Variants in CSMD1 observed in about 807,000 individuals in gnomAD.
The protein encoded by CSMD1 is CUB and sushi domain-containing protein 1.
In CSMD1, 213 loss-of-function variants were observed where a neutral mutation model predicts 417.5. That is an observed-to-expected ratio of 0.51 (90% CI 0.46 to 0.57). CSMD1 has a LOEUF of 0.57. Ranked by LOEUF, CSMD1 falls within the 20% of genes least tolerant of loss-of-function variation. The pLI, the probability that CSMD1 is intolerant of heterozygous loss-of-function variation, is 0.00. For synonymous variants in CSMD1, 2,862 were observed against 1,736.8 expected (o/e 1.65, Z -16.11); for missense variants, 6,923 against 4,529.7 (o/e 1.53, Z -15.17).
chr8:4,079,467 A>C (rs537190131), intron 3 of CSMD1, among the ~76,000 whole-genome samples: 33 of 152,366 alleles, frequency 2.2e-4, no homozygotes, highest in Non-Finnish European at 2.5e-4. Context: ...TCTGAGTTCT[A>C]TCATCATAAA....
intron 26 of CSMD1, among the ~76,000 whole-genome samples, chr8:3,262,616 C>T (rs1308530468): frequency 1.3e-5 from 2 of 151,656 alleles, no homozygotes; most frequent in African/African-American, 2.4e-5. Flanking sequence ...AGATTATAGT[C>T]AGTGGAAGCA....
chr8:4,188,904 G>T (rs944417836), intron 3 of CSMD1, among the ~76,000 whole-genome samples: 6 of 152,136 alleles, frequency 3.9e-5, no homozygotes, highest in African/African-American at 1.4e-4. Context: ...AACACACGGG[G>T]TTGGCATAGC....
intron 7 of CSMD1, among the ~76,000 whole-genome samples, chr8:3,666,040 T>C (rs1798676626): frequency 6.6e-6 from 1 of 152,064 alleles, no homozygotes; most frequent in African/African-American, 2.4e-5. Flanking sequence ...GGATTACAGG[T>C]GCCCAACACC....
intron 3 of CSMD1, among the ~76,000 whole-genome samples, chr8:4,246,472 C>G (rs563547610): frequency 2.6e-5 from 4 of 152,220 alleles, no homozygotes; most frequent in East Asian, 1.9e-4. Flanking sequence ...ATCAATTGGT[C>G]TTGTTACAGA....
At chr8:3,313,239 C>G (rs1382771244) in intron 23 of CSMD1, among the ~76,000 whole-genome samples, 1 of 152,146 alleles carries the variant, frequency 6.6e-6, no homozygotes, top group Non-Finnish European at 1.5e-5. Flanking sequence ...ACACCAAAAG[C>G]AATGGCAACA....
intron 1 of CSMD1, among the ~76,000 whole-genome samples, chr8:4,681,312 G>A (rs180932990): frequency 7.9e-5 from 12 of 152,210 alleles, no homozygotes; most frequent in East Asian, 1.9e-4. Context: ...TTGAAAAGAG[G>A]TAGTACAATA....
chr8:3,598,369 G>C (rs1236857574), intron 8 of CSMD1: 1 of 152,154 alleles, frequency 6.6e-6, no homozygotes, highest in Non-Finnish European at 1.5e-5. Context: ...TTGTCATTTA[G>C]ATCCAGCCCT....
intron 3 of CSMD1, among the ~76,000 whole-genome samples, chr8:4,398,436 C>A (rs1291774277): frequency 6.8e-6 from 1 of 147,748 alleles, no homozygotes; most frequent in Non-Finnish European, 1.5e-5. Flanking sequence ...TCTGTCACCC[C>A]AGGCTGGAGC....
chr8:4,295,669 CATATGTTATATTATACATGTTAT>C (rs1797635447), intron 3 of CSMD1, among the ~76,000 whole-genome samples: 1 of 136,538 alleles, frequency 7.3e-6, no homozygotes, highest in Non-Finnish European at 1.5e-5. Flanking sequence ...CTTAAGATTA[CATATGTTATATTATACATGTTAT>C]ATATGTTATA....
At chr8:3,537,583 C>T (rs1178550503) in intron 10 of CSMD1, among the ~76,000 whole-genome samples, 1 of 152,086 alleles carries the variant, frequency 6.6e-6, no homozygotes, top group Non-Finnish European at 1.5e-5. Flanking sequence ...TTAGATAGCT[C>T]TATTATTCTG....
chr8:4,716,999 G>C (rs1016590614), intron 1 of CSMD1, among the ~76,000 whole-genome samples: 4 of 152,052 alleles, frequency 2.6e-5, no homozygotes, highest in Non-Finnish European at 5.9e-5. Context: ...TGGTATAGAA[G>C]CCTGGGTTGA....
At chr8:3,382,761 A>T (rs1499690) in intron 18 of CSMD1, among the ~76,000 whole-genome samples, 26,149 of 151,418 alleles carry the variant, frequency 0.17, 2,921 homozygotes, top group Non-Finnish European at 0.23. Context: ...TGTGTATATT[A>T]CATGGAGAAT....
At chr8:4,664,558 C>T (rs1183740021) in intron 1 of CSMD1, among the ~76,000 whole-genome samples, 2 of 152,018 alleles carry the variant, frequency 1.3e-5, no homozygotes, top group Admixed American at 6.6e-5. Flanking sequence ...AAGAGCGTGT[C>T]TTGAAAATAA....
rs190468356 is a variant in CSMD1, at chr8:4,918,254, C to A, written c.85+76078G>T. On this transcript the variant is annotated intron_variant, in intron 1 of 69. Coordinates refer to ENST00000635120, the MANE Select transcript of CSMD1 (RefSeq NM_033225.6). ...CATCACTCAAGGCCCCCTCCATGTG[C>A]GAAGCATGTGAGCTTTCTGGGACAG... Among the ~76,000 whole-genome samples, 3 of 152,270 alleles carry A rather than the reference C, an allele frequency of 2.0e-5. No individual in the cohort carries two copies. The East Asian group carries it at 5.8e-4, about 29-fold the overall frequency.
chr8:4,272,542 G>A (rs993727957), intron 3 of CSMD1, among the ~76,000 whole-genome samples: 2 of 152,138 alleles, frequency 1.3e-5, no homozygotes, highest in Non-Finnish European at 2.9e-5. Flanking sequence ...CAAGTGATTT[G>A]CTTCAAACTT....
intron 26 of CSMD1, among the ~76,000 whole-genome samples, chr8:3,254,750 G>A (rs968450469): frequency 2.0e-5 from 3 of 152,042 alleles, no homozygotes; most frequent in African/African-American, 4.8e-5. Context: ...CTGTGCATTG[G>A]TTATTCTAGT....
chr8:3,646,864 G>C (rs990596746), intron 7 of CSMD1, among the ~76,000 whole-genome samples: 2 of 152,090 alleles, frequency 1.3e-5, no homozygotes, highest in Non-Finnish European at 1.5e-5. Context: ...GGCTGAATTT[G>C]GGTCACACGA....
At chr8:3,154,616 G>A (rs931027236) in intron 39 of CSMD1, among the ~76,000 whole-genome samples, 8 of 152,158 alleles carry the variant, frequency 5.3e-5, no homozygotes, top group African/African-American at 1.7e-4. Context: ...CTGCGGTGCA[G>A]TGAGACAGGG....
At chr8:3,453,320 G>T (rs1411882309) in intron 12 of CSMD1, among the ~76,000 whole-genome samples, 1 of 151,866 alleles carries the variant, frequency 6.6e-6, no homozygotes, top group East Asian at 1.9e-4. Flanking sequence ...GTTCACTTCT[G>T]CTCTGATCTT....
Sources: allele counts gnomAD v4.1 joint callset (sites outside exome capture counted in the v4.1 genomes callset), GRCh38; gene constraint gnomAD v4.1.1; transcripts MANE v1.5; gene names NCBI Gene and HGNC (gene_info 2026-07-23, HGNC 2026-07-21).